PPFIA2: variants seen among roughly 807,000 people sequenced by gnomAD.
PPFIA2 encodes the protein PPFI scaffold protein A2.
In PPFIA2, 46 loss-of-function variants were observed where a neutral mutation model predicts 175.5. That is an observed-to-expected ratio of 0.26 (90% CI 0.21 to 0.34). PPFIA2 has a LOEUF of 0.34. Among genes scored for constraint, PPFIA2 ranks in the 10% least tolerant of loss-of-function variants. The probability of loss-of-function intolerance (pLI) is 1.00; values close to 1 mark genes in which losing one functional copy is unlikely to be tolerated. For missense variants in PPFIA2, 1,179 were observed against 1,506.1 expected, an observed-to-expected ratio of 0.78 and a Z score of 3.60; for synonymous variants, 568 against 511.4, an observed-to-expected ratio of 1.11 and a Z score of -1.49.
At chr12:81,621,997 T>C (rs558367444) in intron 4 of PPFIA2, among the ~76,000 whole-genome samples, 1 of 152,180 alleles carries the variant, frequency 6.6e-6, no homozygotes, top group East Asian at 1.9e-4. Context: ...CATCCCAATA[T>C]GAAAGACCAG....
chr12:81,705,990 A>G (rs146713023), intron 3 of PPFIA2, among the ~76,000 whole-genome samples: 2,310 of 152,314 alleles, frequency 0.015, 29 homozygotes, highest in South Asian at 0.042. Flanking sequence ...TGATTTAAAC[A>G]AAAATATACT....
intron 7 of PPFIA2, chr12:81,417,332 T>C (rs1301433994): frequency 6.6e-6 from 1 of 151,660 alleles, no homozygotes; most frequent in African/African-American, 2.4e-5. Context: ...CCGTGCATGG[T>C]TAACACTGTA....
chr12:81,673,197 C>A (rs2071768059), intron 4 of PPFIA2, among the ~76,000 whole-genome samples: 1 of 152,024 alleles, frequency 6.6e-6, no homozygotes, highest in African/African-American at 2.4e-5. Flanking sequence ...AAGAAGGGAT[C>A]CTTCACACTG....
intron 14 of PPFIA2, among the ~76,000 whole-genome samples, chr12:81,366,603 C>T (rs1276971891): frequency 2.0e-5 from 3 of 151,732 alleles, no homozygotes; most frequent in Non-Finnish European, 4.4e-5. Flanking sequence ...CCTGCATCCT[C>T]ATTGGTTTGT....
intron 8 of PPFIA2, among the ~76,000 whole-genome samples, chr12:81,387,662 T>C (rs373611884): frequency 4.6e-5 from 7 of 152,146 alleles, no homozygotes; most frequent in African/African-American, 1.7e-4. Context: ...TAGTTACTTG[T>C]AGACTTTATA....
chr12:81,600,437 C>T (rs1342922097), intron 4 of PPFIA2, among the ~76,000 whole-genome samples: 2 of 151,942 alleles, frequency 1.3e-5, no homozygotes, highest in East Asian at 3.9e-4. Flanking sequence ...ATGGTTTTCT[C>T]TTGCATAAAT....
chr12:81,344,433 G>A (rs892365153), intron 19 of PPFIA2, among the ~76,000 whole-genome samples: 2 of 150,472 alleles, frequency 1.3e-5, no homozygotes, highest in African/African-American at 2.4e-5. Context: ...ATATTCAATG[G>A]AAAACAGGAT....
At chr12:81,454,198 C>T (rs1243243203) in intron 5 of PPFIA2, among the ~76,000 whole-genome samples, 1 of 151,996 alleles carries the variant, frequency 6.6e-6, no homozygotes, top group African/African-American at 2.4e-5. Flanking sequence ...CCAGCCTGAG[C>T]AAGAGTGAGA....
chr12:81,603,010 T>A (rs908727480), intron 4 of PPFIA2, among the ~76,000 whole-genome samples: 1 of 151,806 alleles, frequency 6.6e-6, no homozygotes, highest in Admixed American at 6.6e-5. Flanking sequence ...ACAATATGGC[T>A]AAGTAATTGC....
At chr12:81,394,992 G>T (rs2142400777) in intron 8 of PPFIA2, among the ~76,000 whole-genome samples, 1 of 152,036 alleles carries the variant, frequency 6.6e-6, no homozygotes, top group African/African-American at 2.4e-5. Context: ...ACTTTTACAA[G>T]CTTTATATGT....
chr12:81,679,651 T>C (rs571882898), intron 3 of PPFIA2, among the ~76,000 whole-genome samples: 2 of 152,096 alleles, frequency 1.3e-5, no homozygotes, highest in African/African-American at 4.8e-5. Context: ...CTAAATAGTA[T>C]ACAGATGTAT....
At chr12:81,312,212 C>A in intron 22 of PPFIA2, 1 of 1,518,740 alleles carries the variant, frequency 6.6e-7, no homozygotes, top group South Asian at 1.2e-5. Flanking sequence ...GAAAAGCACA[C>A]AAATGTTAAT....
intron 4 of PPFIA2, among the ~76,000 whole-genome samples, chr12:81,496,026 G>C (rs1567065561): frequency 6.6e-6 from 1 of 152,138 alleles, no homozygotes; most frequent in East Asian, 1.9e-4. Flanking sequence ...ACTTAATTGA[G>C]AACTACTTCA....
chr12:81,512,496 A>T (rs1468284821), intron 4 of PPFIA2: 1 of 324,722 alleles, frequency 3.1e-6, no homozygotes, highest in African/African-American at 2.3e-5. Flanking sequence ...CTTAAAAATA[A>T]TTTTAGCTTT....
intron 4 of PPFIA2, among the ~76,000 whole-genome samples, chr12:81,550,529 A>G (rs958843818): frequency 6.6e-6 from 1 of 152,006 alleles, no homozygotes; most frequent in Non-Finnish European, 1.5e-5. Flanking sequence ...GTGGAAGTAA[A>G]CAGTAGAGGA....
intron 8 of PPFIA2, among the ~76,000 whole-genome samples, chr12:81,398,541 A>G (rs1043259346): frequency 1.3e-5 from 2 of 152,210 alleles, no homozygotes; most frequent in South Asian, 4.1e-4. Flanking sequence ...GAGCTACATT[A>G]CTTTGAGCCA....
At chr12:81,511,471 G>C (rs61197526) in intron 4 of PPFIA2, among the ~76,000 whole-genome samples, 82 of 152,064 alleles carry the variant, frequency 5.4e-4, no homozygotes, top group African/African-American at 2.0e-3. Context: ...TGCAAATTTG[G>C]ATAACATAGG....
intron 4 of PPFIA2, among the ~76,000 whole-genome samples, chr12:81,667,453 T>C (rs1474610614): frequency 6.6e-6 from 1 of 152,048 alleles, no homozygotes; most frequent in Non-Finnish European, 1.5e-5. Flanking sequence ...AGTAGAACCA[T>C]CTCTACTTTG....
In PPFIA2 at chr12:81,478,028, C is replaced by T. The variant is rs548619458; in HGVS notation, c.304-20162G>A. 3.8e-3 allele frequency among the ~76,000 whole-genome samples: 574 copies of T among 152,162 alleles called. 3 individuals carry two copies. The highest frequency in any genetic ancestry group is 0.013 in the African/African-American group (537 of 41,506). ...CCTCTGGTGGAATTCGGCTGTGAAT[C>T]CATCTTGTCCTGGGCTTTTTTTGGT... On this transcript the variant is annotated intron_variant, in intron 4 of 32. Transcript: ENST00000549396.
Sources: allele counts gnomAD v4.1 joint callset (sites outside exome capture counted in the v4.1 genomes callset), GRCh38; gene constraint gnomAD v4.1.1; transcripts MANE v1.5; gene names NCBI Gene and HGNC (gene_info 2026-07-23, HGNC 2026-07-21).